The following GBP6 variants were observed in gnomAD, a reference collection of about 807,000 sequenced individuals.
GBP6 encodes guanylate binding protein family member 6, also known as guanylate-binding protein 6.
In GBP6, 54 loss-of-function variants were observed where a neutral mutation model predicts 61.5. That is an observed-to-expected ratio of 0.88 (90% CI 0.71 to 1.10). The LOEUF is 1.10. Among genes scored for constraint, GBP6 ranks in the 50% least tolerant of loss-of-function variants. The pLI, the probability that GBP6 is intolerant of heterozygous loss-of-function variation, is 0.00. For missense variants in GBP6, 748 were observed against 752.8 expected (o/e 0.99, Z 0.07); for synonymous variants, 255 against 273.7 (o/e 0.93, Z 0.67).
chr1:89,381,635 C>T (rs1652981205), intron 6 of GBP6, 59 bp from the exon 7 acceptor site: 1 of 1,529,992 alleles, frequency 6.5e-7, no homozygotes, highest in Admixed American at 1.9e-5. Context: ...GAAATGTAGC[C>T]TAGGATCCCA....
chr1:89,385,658 T>TA lies in GBP6; in HGVS notation c.*190dup. 1 of 554,402 alleles carries TA rather than the reference T, an allele frequency of 1.8e-6. No homozygotes were observed. The highest frequency in any genetic ancestry group is 3.1e-6 in the Non-Finnish European group (1 of 318,060). 34.3% of individuals were successfully genotyped at this position (554,402 alleles called of 1,614,324 possible). ...AAGAGATTCACCTGCCTCAGCCCCC[T>TA]AGTAGCTGGGATTATAGGTGTACAC... On this transcript the variant is annotated 3_prime_UTR_variant, in exon 11 of 11. Coordinates refer to ENST00000370456, the MANE Select transcript of GBP6 (RefSeq NM_198460.3).
In GBP6 at chr1:89,382,849, T is replaced by C. The variant is rs1304475155; in HGVS notation, c.1338T>C (p.Tyr446=). The C allele has an allele frequency of 6.2e-7, 1 of 1,613,874 alleles. No individual in the cohort carries two copies. Among genetic ancestry groups the C allele is most frequent in the Non-Finnish European group, 8.5e-7 (1 of 1,179,830 alleles). The change falls in exon 8 of 11, where the codon TAT becomes TAC. Residue 446 remains tyrosine (Y), a synonymous_variant. Transcript: ENST00000370456. ...METKERIEQD[Y]WQVPRKGVKA... is the part of the protein sequence containing the mutation. The stretch of plus-strand genomic sequence containing the variant: ...CAAAGGAAAGGATTGAACAGGACTA[T>C]TGGCAAGTTCCCAGGAAAGGAGTAA...
intron 2 of GBP6, 120 bp from the exon 3 acceptor site, chr1:89,369,426 T>C: frequency 8.3e-7 from 1 of 1,210,432 alleles, no homozygotes; most frequent in South Asian, 1.9e-5. Context: ...CTTGAGGAAA[T>C]ACAGAAAGGA....
Position 89,385,699 on chromosome 1 carries a change from A to AT in GBP6, c.*235dup. 1 of 365,100 alleles carries AT rather than the reference A, an allele frequency of 2.7e-6. No homozygotes were observed. Among genetic ancestry groups the AT allele is most frequent in the Non-Finnish European group, 4.9e-6 (1 of 203,330 alleles). 22.6% of individuals were successfully genotyped at this position (365,100 alleles called of 1,614,324 possible). A position where few individuals can be genotyped will look rare whatever the true frequency, so the allele number is the denominator to read the frequency against. ...AGGTGTACACCACCACACCCAGCTA[A>AT]TTTTTGTATTTTTAGTAGAGATGGG... is the stretch of plus-strand genomic sequence containing the variant. On this transcript the variant is annotated 3_prime_UTR_variant, in exon 11 of 11. Coordinates refer to ENST00000370456, the MANE Select transcript of GBP6 (RefSeq NM_198460.3).
rs1182768891 is a variant in GBP6 at position 89,382,661 on chromosome 1, C to A, written c.1153-3C>A. 6.2e-7 allele frequency: 1 copy of A among 1,612,554 alleles called. No individual in the cohort carries two copies. Among genetic ancestry groups the A allele is most frequent in the Admixed American group, 1.7e-5 (1 of 60,018 alleles). On this transcript the variant is annotated splice_region_variant and splice_polypyrimidine_tract_variant and intron_variant, in intron 7 of 10. Coordinates refer to ENST00000370456, the MANE Select transcript of GBP6 (RefSeq NM_198460.3). ...GTGACATCTCTCTACATTTCCCTTG[C>A]AGGAAACCACAATGAATAAGAAGGG...
chr1:89,372,719 G>T (rs908763361), intron 3 of GBP6, among the ~76,000 whole-genome samples: 14 of 152,072 alleles, frequency 9.2e-5, no homozygotes, highest in Admixed American at 8.5e-4. Context: ...CTCTAGAAGA[G>T]AACCTAGGCA....
chr1:89,369,864 G>A (rs1295906803), intron 3 of GBP6, among the ~76,000 whole-genome samples, 191 bp downstream of exon 3: 2 of 152,206 alleles, frequency 1.3e-5, no homozygotes, highest in Non-Finnish European at 2.9e-5. Context: ...TTTATTTCTT[G>A]GCACAGTGGT....
intron 3 of GBP6, among the ~76,000 whole-genome samples, chr1:89,377,433 C>A (rs1652837338): frequency 1.3e-5 from 2 of 152,102 alleles, no homozygotes; most frequent in Admixed American, 1.3e-4. Context: ...TTCCAGGAAA[C>A]CCTCATATCA....
rs754434114 is a variant in GBP6, at chr1:89,369,668, G to A, written c.313G>A (p.Glu105Lys). The change falls in exon 3 of 11, where the codon GAA becomes AAA. Residue 105 changes from glutamate to lysine, a missense_variant. Transcript: ENST00000370456. ...GGACACCGAAGGTCTGGGCGATGTG[G>A]AAAAGGTAAGACAGAGAGTCATAGA... ...LLDTEGLGDV[E>K]KGDPKNDSWI... The A allele has an allele frequency of 6.2e-6, 10 of 1,613,654 alleles. No individual in the cohort carries two copies. Among genetic ancestry groups the A allele is most frequent in the Non-Finnish European group, 7.6e-6 (9 of 1,179,728 alleles).
chr1:89,366,936 C>T (rs1022588390), intron 1 of GBP6, among the ~76,000 whole-genome samples: 5 of 152,156 alleles, frequency 3.3e-5, no homozygotes, highest in Admixed American at 3.3e-4. Flanking sequence ...GCATATTTCA[C>T]TTGGCATAAT....
intron 2 of GBP6, 51 bp from the exon 3 acceptor site, chr1:89,369,495 G>A (rs374768318): frequency 6.4e-5 from 102 of 1,583,142 alleles, no homozygotes; most frequent in Middle Eastern, 1.7e-4. Context: ...GCCCCAGGGC[G>A]GCTTGGCTGC....
chr1:89,365,150 T>G (rs111273422), intron 1 of GBP6, among the ~76,000 whole-genome samples: 13,633 of 152,294 alleles, frequency 0.09, 847 homozygotes, highest in Middle Eastern at 0.14. Context: ...CAAAAGAAAC[T>G]ATCATCAGAG....
intron 5 of GBP6, among the ~76,000 whole-genome samples, chr1:89,379,726 T>C (rs1318126115): frequency 6.6e-6 from 1 of 152,248 alleles, no homozygotes; most frequent in African/African-American, 2.4e-5. Context: ...GTTGTTGCTT[T>C]CATTTTTCTA....
intron 3 of GBP6, among the ~76,000 whole-genome samples, chr1:89,375,739 C>T (rs1439795668): frequency 6.6e-6 from 1 of 152,034 alleles, no homozygotes; most frequent in Non-Finnish European, 1.5e-5. Flanking sequence ...TCCTTTGTTA[C>T]CTGAAGCATT....
rs1338513582 is a variant in GBP6 at position 89,368,794 on chromosome 1, GCTT to G, written c.190+57_190+59del. 1.2e-5 allele frequency: 19 copies of G among 1,522,326 alleles called. No individual in the cohort carries two copies. In the African/African-American group the frequency reaches 2.5e-4, roughly 20 times the overall value. The allele number at this position is 1,522,326 out of a possible 1,614,324, so 94.3% of individuals were successfully genotyped here. On this transcript the variant is annotated intron_variant, in intron 2 of 10. Coordinates refer to ENST00000370456, the MANE Select transcript of GBP6 (RefSeq NM_198460.3). Reference sequence around the variant, plus strand: ...GTTGCTTGATTCCAGCTATATCTCAGCTTCTTGATTCTCTACCCCAGAGCACAT... The same window carrying G: ...GTTGCTTGATTCCAGCTATATCTCAGCTTGATTCTCTACCCCAGAGCACAT...
At chr1:89,376,697 C>A (rs1652817907) in intron 3 of GBP6, among the ~76,000 whole-genome samples, 1 of 152,150 alleles carries the variant, frequency 6.6e-6, no homozygotes, top group Non-Finnish European at 1.5e-5. Flanking sequence ...TTATTCAGAG[C>A]ATTTTGCGAT....
intron 6 of GBP6, 46 bp from the exon 7 acceptor site, chr1:89,381,648 G>C (rs371365432): frequency 1.1e-4 from 177 of 1,554,216 alleles, no homozygotes; most frequent in Non-Finnish European, 1.5e-4. Flanking sequence ...GGATCCCACT[G>C]AGCTTTAATT....
At chr1:89,378,636 G>A (rs1233105288) in intron 5 of GBP6, 23 bp downstream of exon 5, 2 of 1,584,862 alleles carry the variant, frequency 1.3e-6, no homozygotes, top group South Asian at 1.1e-5. Context: ...GGCCTGGGCT[G>A]TGGGTGGTCC....
In GBP6 at chr1:89,386,072, T is replaced by A. The variant is rs1235701778; in HGVS notation, c.*603T>A. The A allele has an allele frequency of 6.6e-6, 1 of 152,106 alleles. No homozygotes were observed. The highest frequency in any genetic ancestry group is 2.4e-5 in the African/African-American group (1 of 41,390). The allele number at this position is 152,106 out of a possible 1,614,324, so 9.4% of individuals were successfully genotyped here. ...GGTAAGATAAATTTTAGTATGTGCA[T>A]GTACTGGAATATTATATAGCCAGTA... On this transcript the variant is annotated 3_prime_UTR_variant, in exon 11 of 11. Transcript: ENST00000370456.
Sources: allele counts gnomAD v4.1 joint callset (sites outside exome capture counted in the v4.1 genomes callset), GRCh38; gene constraint gnomAD v4.1.1; transcripts MANE v1.5; gene names NCBI Gene and HGNC (gene_info 2026-07-23, HGNC 2026-07-21).